DTNA: variants seen among roughly 807,000 people sequenced by gnomAD.
DTNA encodes dystrobrevin alpha, also known as dystrophin-related protein 3.
In DTNA, 43 loss-of-function variants were observed where a neutral mutation model predicts 100.7. The observed-to-expected ratio is 0.43, with a 90% CI of 0.33 to 0.55. The LOEUF (loss-of-function observed/expected upper bound fraction) is 0.55. Among genes scored for constraint, DTNA ranks in the 20% least tolerant of loss-of-function variants. The pLI, the probability that DTNA is intolerant of heterozygous loss-of-function variation, is 0.04. For synonymous variants in DTNA, 349 were observed against 347.9 expected, an observed-to-expected ratio of 1.00 and a Z score of -0.04; for missense variants, 798 against 953.9, an observed-to-expected ratio of 0.84 and a Z score of 2.15.
At position 34,788,171 on chromosome 18, in the gene DTNA, T is replaced by C. The variant is rs542517696; in HGVS notation, c.149-5866T>C. Among the ~76,000 whole-genome samples, 24 of 152,280 alleles carry C rather than the reference T, an allele frequency of 1.6e-4. No homozygotes were observed. In the South Asian group the frequency reaches 5.0e-3, roughly 32 times the overall value. On this transcript the variant is annotated intron_variant, in intron 3 of 22. Coordinates refer to ENST00000444659, the MANE Select transcript of DTNA (RefSeq NM_001386795.1). ...CATAGTCATTATTACACAACCTAAA[T>C]GTCATCTAAAATGATTTAACTAGCA...
intron 1 of DTNA, among the ~76,000 whole-genome samples, chr18:34,500,080 ATTATC>A (rs1314979594): frequency 2.0e-5 from 3 of 152,032 alleles, no homozygotes; most frequent in African/African-American, 7.2e-5. Context: ...TACCTTTAGA[ATTATC>A]TTGTCTATAT....
At chr18:34,512,094 T>G (rs1051469205) in intron 1 of DTNA, among the ~76,000 whole-genome samples, 1 of 152,038 alleles carries the variant, frequency 6.6e-6, no homozygotes, top group Non-Finnish European at 1.5e-5. Flanking sequence ...CCCTGCTGGT[T>G]ATATGCCCTT....
intron 1 of DTNA, among the ~76,000 whole-genome samples, chr18:34,534,031 G>C (rs74985296): frequency 6.6e-6 from 1 of 152,044 alleles, no homozygotes; most frequent in Non-Finnish European, 1.5e-5. Flanking sequence ...TTTTATCAGA[G>C]TTGGAACAGA....
chr18:34,669,412 T>C (rs1483715194), intron 1 of DTNA, among the ~76,000 whole-genome samples: 1 of 152,226 alleles, frequency 6.6e-6, no homozygotes, highest in Non-Finnish European at 1.5e-5. Context: ...AATTGGAGTA[T>C]TTAGCCCATT....
At chr18:34,593,914 T>C (rs1378936594) in intron 1 of DTNA, among the ~76,000 whole-genome samples, 2 of 152,126 alleles carry the variant, frequency 1.3e-5, no homozygotes, top group Non-Finnish European at 2.9e-5. Flanking sequence ...GAGTTCAGTT[T>C]CCCCTGCATG....
chr18:34,709,944 A>T (rs1162867506), upstream of DTNA, among the ~76,000 whole-genome samples: 4 of 152,224 alleles, frequency 2.6e-5, no homozygotes, highest in African/African-American at 9.6e-5. Flanking sequence ...CTATTGAGTT[A>T]GTAACTGACA....
intron 1 of DTNA, among the ~76,000 whole-genome samples, chr18:34,662,522 T>A (rs551432972): frequency 5.3e-5 from 8 of 152,148 alleles, no homozygotes; most frequent in Non-Finnish European, 1.0e-4. Context: ...AAAATTGACA[T>A]GTGAGGGACA....
intron 1 of DTNA, among the ~76,000 whole-genome samples, chr18:34,745,265 A>C (rs532700299): frequency 1.6e-4 from 24 of 152,202 alleles, no homozygotes; most frequent in Admixed American, 5.2e-4. Context: ...AAAGCATACA[A>C]GCCTCCCTAG....
intron 3 of DTNA, among the ~76,000 whole-genome samples, chr18:34,785,789 C>T (rs2094487901): frequency 6.8e-6 from 1 of 146,544 alleles, no homozygotes; most frequent in Admixed American, 7.0e-5. Context: ...TCTCTATCTC[C>T]TCCCTCTCCG....
intron 18 of DTNA, among the ~76,000 whole-genome samples, chr18:34,877,343 T>C (rs906393115): frequency 3.3e-5 from 5 of 152,156 alleles, no homozygotes; most frequent in African/African-American, 4.8e-5. Flanking sequence ...GAAAACCTGA[T>C]TTTTCATCTG....
intron 1 of DTNA, among the ~76,000 whole-genome samples, chr18:34,666,940 T>A (rs2076018394): frequency 1.3e-5 from 2 of 152,160 alleles, no homozygotes; most frequent in South Asian, 4.1e-4. Context: ...TTAAAGTAGT[T>A]TTTTTCCAAT....
rs545922031 is a variant in DTNA, at chr18:34,640,909, C to T, written c.-1-115067C>T. On this transcript the variant is annotated intron_variant, in intron 1 of 19. Coordinates refer to the DTNA transcript ENST00000283365. ...CATAGAAAGGACTAATTGGCAGTGG[C>T]GGATGTTGTTGTTGGGTTGGTTTGT... 5.9e-5 allele frequency among the ~76,000 whole-genome samples: 9 copies of T among 152,120 alleles called. No homozygotes were observed. In the South Asian group the frequency reaches 1.0e-3, roughly 18 times the overall value.
intron 1 of DTNA, among the ~76,000 whole-genome samples, chr18:34,744,929 C>G (rs556736811): frequency 6.6e-6 from 1 of 151,288 alleles, no homozygotes; most frequent in East Asian, 1.9e-4. Context: ...TCAGACATGT[C>G]TAGTCTTAAA....
At chr18:34,757,347 A>G (rs1329580335) in intron 2 of DTNA, 1 of 152,178 alleles carries the variant, frequency 6.6e-6, no homozygotes, top group African/African-American at 2.4e-5. Flanking sequence ...CCAACAGCAC[A>G]TTCTTATATT....
rs975145421 is a variant in DTNA at position 34,887,984 on chromosome 18, G to A, written c.*250G>A. ...TTGTTCTCAGATTTGTAGTGCATAG[G>A]TGTGTGTTTCAAGAAGGAAAAAAAA... is the stretch of plus-strand genomic sequence containing the variant. On this transcript the variant is annotated 3_prime_UTR_variant, in exon 23 of 23. Coordinates refer to ENST00000444659, the MANE Select transcript of DTNA (RefSeq NM_001386795.1). The A allele has an allele frequency of 1.2e-5, 12 of 985,648 alleles. No homozygotes were observed. Among genetic ancestry groups the A allele is most frequent in the African/African-American group, 1.7e-5 (1 of 57,170 alleles). The allele number at this position is 985,648 out of a possible 1,614,324, so 61.1% of individuals were successfully genotyped here. A position where few individuals can be genotyped will look rare whatever the true frequency, so the allele number is the denominator to read the frequency against.
At chr18:34,696,858 T>G (rs2080639764) in intron 1 of DTNA, among the ~76,000 whole-genome samples, 1 of 152,200 alleles carries the variant, frequency 6.6e-6, no homozygotes, top group African/African-American at 2.4e-5. Flanking sequence ...CACTATTTAT[T>G]GAGAGCTGTT....
chr18:34,763,976 A>G (rs2093337579), intron 2 of DTNA, among the ~76,000 whole-genome samples: 1 of 152,320 alleles, frequency 6.6e-6, no homozygotes, highest in South Asian at 2.1e-4. Flanking sequence ...GGTAATGAGG[A>G]TGCTAATAAT....
In DTNA at chr18:34,618,178, G is replaced by A. The variant is rs546605468; in HGVS notation, c.-2+124664G>A. 5.9e-5 allele frequency among the ~76,000 whole-genome samples: 9 copies of A among 152,106 alleles called. No individual in the cohort carries two copies. The South Asian group carries it at 1.0e-3, about 18-fold the overall frequency. On this transcript the variant is annotated intron_variant, in intron 1 of 19. Transcript: ENST00000283365. ...TCCAAGAGTACAAGGGTCAAGAGTC[G>A]AACTCAATCCAGTTCTGTTGTGTTA...
At chr18:34,569,199 A>G (rs2047351892) in intron 1 of DTNA, among the ~76,000 whole-genome samples, 1 of 152,126 alleles carries the variant, frequency 6.6e-6, no homozygotes, top group Admixed American at 6.5e-5. Context: ...GTGTGTAGAA[A>G]TGTGTGTACA....
Sources: gnomAD v4.1 joint callset for allele counts (sites outside exome capture counted in the v4.1 genomes callset) on GRCh38, gnomAD v4.1.1 for gene constraint, MANE v1.5 for transcripts, NCBI Gene and HGNC (gene_info 2026-07-23, HGNC 2026-07-21) for gene names.